Variants in PTPRD observed in about 807,000 individuals in gnomAD.
The protein encoded by PTPRD is protein tyrosine phosphatase receptor type D.
PTPRD carries 34 observed loss-of-function variants against 214.5 expected under a neutral mutation model. The observed-to-expected ratio is 0.16, with a 90% CI of 0.12 to 0.21. PTPRD has a LOEUF of 0.21. Ranked by LOEUF, PTPRD falls within the 10% of genes least tolerant of loss-of-function variation. The pLI is 1.00. For synonymous variants in PTPRD, 1,128 were observed against 845.7 expected, an observed-to-expected ratio of 1.33 and a Z score of -5.79; for missense variants, 2,545 against 2,398.7, an observed-to-expected ratio of 1.06 and a Z score of -1.27.
rs2090342750 is a variant in PTPRD, at chr9:8,393,872, C to T, written c.4211-4465G>A. Among the ~76,000 whole-genome samples the T allele has an allele frequency of 2.0e-5, 3 of 152,058 alleles. No homozygotes were observed. In the South Asian group the frequency reaches 6.2e-4, roughly 32 times the overall value. On this transcript the variant is annotated intron_variant, in intron 36 of 45. Transcript: ENST00000381196. ...GTTAATGAACTGTTCTTTCTTGTGG[C>T]ATTTAAAAATATTACTTACATGCTT...
chr9:9,270,564 G>C (rs539815569), intron 9 of PTPRD, among the ~76,000 whole-genome samples: 1 of 151,462 alleles, frequency 6.6e-6, no homozygotes, highest in South Asian at 2.1e-4. Flanking sequence ...ATGTGCTCAT[G>C]CTGGTGAGTT....
intron 3 of PTPRD, among the ~76,000 whole-genome samples, chr9:10,093,944 G>A (rs1010578166): frequency 6.6e-6 from 1 of 151,340 alleles, no homozygotes; most frequent in African/African-American, 2.4e-5. Flanking sequence ...AGAGCAGGGA[G>A]AGAGAAGTGG....
intron 8 of PTPRD, among the ~76,000 whole-genome samples, chr9:9,540,988 TA>T (rs148682199): frequency 6.6e-6 from 1 of 151,516 alleles, no homozygotes; most frequent in Non-Finnish European, 1.5e-5. Flanking sequence ...CTGAAGATAT[TA>T]AAAAAACAAC....
intron 2 of PTPRD, among the ~76,000 whole-genome samples, chr9:10,415,960 C>CT (rs2098483140): frequency 6.6e-6 from 1 of 151,680 alleles, no homozygotes; most frequent in African/African-American, 2.4e-5. Flanking sequence ...CAAGATGCAC[C>CT]TTTTTAAAAA....
intron 2 of PTPRD, among the ~76,000 whole-genome samples, chr9:10,610,689 T>C (rs1237793425): frequency 3.9e-5 from 6 of 152,104 alleles, no homozygotes; most frequent in Non-Finnish European, 5.9e-5. Flanking sequence ...AGAAAACTCA[T>C]TTGGATAAGA....
chr9:8,399,143 C>G (rs1023089778), intron 36 of PTPRD, among the ~76,000 whole-genome samples: 5 of 128,852 alleles, frequency 3.9e-5, no homozygotes, highest in Non-Finnish European at 8.0e-5. Flanking sequence ...CTCATACTGT[C>G]TAAGATTTAA....
chr9:10,381,261 T>C (rs2097819598), intron 2 of PTPRD, among the ~76,000 whole-genome samples: 1 of 152,000 alleles, frequency 6.6e-6, no homozygotes, highest in African/African-American at 2.4e-5. Context: ...TGAAGTAGTT[T>C]TCTACTTAAA....
At chr9:8,450,824 G>T (rs2095908406) in intron 33 of PTPRD, among the ~76,000 whole-genome samples, 1 of 152,176 alleles carries the variant, frequency 6.6e-6, no homozygotes, top group Admixed American at 6.5e-5. Context: ...TGAATCAATA[G>T]AAGCCATTTT....
At chr9:10,567,893 T>A (rs1197603619) in intron 2 of PTPRD, among the ~76,000 whole-genome samples, 4 of 151,594 alleles carry the variant, frequency 2.6e-5, no homozygotes. Flanking sequence ...TTTGCATTTT[T>A]TTGTCTTAAT....
chr9:9,930,965 A>G (rs1449985743), intron 5 of PTPRD, among the ~76,000 whole-genome samples: 3 of 152,104 alleles, frequency 2.0e-5, no homozygotes, highest in African/African-American at 7.2e-5. Flanking sequence ...TTTCCTTAGT[A>G]TAAAATAAAA....
intron 3 of PTPRD, among the ~76,000 whole-genome samples, chr9:10,150,400 C>T (rs1430412773): frequency 6.6e-6 from 1 of 152,042 alleles, no homozygotes. Flanking sequence ...TCTGAGCAAA[C>T]CATTGCAGAA....
At chr9:9,960,334 A>T (rs1026243216) in intron 4 of PTPRD, among the ~76,000 whole-genome samples, 2 of 152,102 alleles carry the variant, frequency 1.3e-5, no homozygotes, top group South Asian at 4.1e-4. Context: ...TGATGAGGAA[A>T]ACAACCCACG....
chr9:9,766,576 A>C (rs2098708669), intron 6 of PTPRD, among the ~76,000 whole-genome samples: 1 of 152,132 alleles, frequency 6.6e-6, no homozygotes, highest in Non-Finnish European at 1.5e-5. Flanking sequence ...TAGTGTTAAC[A>C]GTTCTTTTAA....
At chr9:9,144,517 G>T (rs535014792) in intron 10 of PTPRD, among the ~76,000 whole-genome samples, 3 of 152,262 alleles carry the variant, frequency 2.0e-5, no homozygotes, top group Non-Finnish European at 2.9e-5. Context: ...GCTTTGGGAG[G>T]CTGAGGCGGG....
chr9:9,003,414 C>T (rs1257504744), intron 11 of PTPRD, among the ~76,000 whole-genome samples: 3 of 151,972 alleles, frequency 2.0e-5, no homozygotes, highest in Non-Finnish European at 2.9e-5. Context: ...TTAAAATATG[C>T]CTACTTGTGT....
intron 7 of PTPRD, among the ~76,000 whole-genome samples, chr9:9,605,351 T>C (rs2094081640): frequency 6.6e-6 from 1 of 152,098 alleles, no homozygotes; most frequent in African/African-American, 2.4e-5. Context: ...CCCTGACCTA[T>C]AGTGTCTATG....
chr9:8,938,408 T>C (rs1394956593), intron 11 of PTPRD, among the ~76,000 whole-genome samples: 1 of 152,076 alleles, frequency 6.6e-6, no homozygotes, highest in Admixed American at 6.6e-5. Flanking sequence ...ATGTGACATA[T>C]AATCACATAA....
intron 7 of PTPRD, among the ~76,000 whole-genome samples, chr9:9,708,532 G>T (rs904891308): frequency 6.6e-6 from 1 of 151,952 alleles, no homozygotes; most frequent in South Asian, 2.1e-4. Context: ...ATACTAGTGA[G>T]CTAATCACTG....
chr9:9,728,866 C>G (rs895657351), intron 7 of PTPRD, among the ~76,000 whole-genome samples: 5 of 151,922 alleles, frequency 3.3e-5, no homozygotes, highest in East Asian at 1.9e-4. Context: ...TTTAGTTTAT[C>G]TAGTGACATT....
Sources: gnomAD v4.1 joint callset for allele counts (sites outside exome capture counted in the v4.1 genomes callset) on GRCh38, gnomAD v4.1.1 for gene constraint, MANE v1.5 for transcripts, NCBI Gene and HGNC (gene_info 2026-07-23, HGNC 2026-07-21) for gene names.